NUTM1: variants seen among roughly 807,000 people sequenced by gnomAD.
The protein encoded by NUTM1 is NUT midline carcinoma family member 1, also known as NUT family member 1.
Under a neutral mutation model 88.7 loss-of-function variants are expected in NUTM1, and 39 were observed. The ratio of observed to expected loss-of-function variants is 0.44; its 90% CI spans 0.34 to 0.57. NUTM1 has a LOEUF of 0.57. NUTM1 is among the 20% of genes least tolerant of loss of function. The pLI is 0.01. For missense variants in NUTM1, 1,350 were observed against 1,414.5 expected (o/e 0.95, Z 0.73); for synonymous variants, 494 against 538.0 (o/e 0.92, Z 1.13).
At chr15:34,352,119 G>A (rs1167778541) in intron 4 of NUTM1, among the ~76,000 whole-genome samples, 2 of 152,162 alleles carry the variant, frequency 1.3e-5, no homozygotes, top group Admixed American at 6.5e-5. Flanking sequence ...GCGGTGAGCC[G>A]AGATTGTGCC....
Position 34,356,784 on chromosome 15 carries a change from A to G in NUTM1, c.2776A>G (p.Ile926Val), listed in dbSNP as rs999111754. 5.6e-6 allele frequency: 9 copies of G among 1,611,910 alleles called. No homozygotes were observed. The highest frequency in any genetic ancestry group is 7.6e-6 in the Non-Finnish European group (9 of 1,179,560). The change falls in exon 8 of 8, where the codon ATA (isoleucine) becomes GTA (valine). Residue 926 changes from isoleucine (I) to valine (V), a missense_variant. Ile to Val is a conservative substitution (Grantham distance 29, BLOSUM62 3). This residue lies in a region of NUTM1 where 730 missense variants were observed against 728.8 expected (regional missense o/e 1.00). Transcript: ENST00000537011. ...GNSFSPLLET[I>V]EPVNILDVKD... ...TTCCTTTTCTCCTCTGTTGGAAACCATAGAACCTGTCAACATACTAGATGT... is the reference window on the plus strand; with the variant it reads ...TTCCTTTTCTCCTCTGTTGGAAACCGTAGAACCTGTCAACATACTAGATGT...
chr15:34,353,642 A>G (rs1890747303), intron 4 of NUTM1, 94 bp from the exon 5 acceptor site: 1 of 1,490,652 alleles, frequency 6.7e-7, no homozygotes, highest in African/African-American at 1.4e-5. Context: ...ACCTGAGAGC[A>G]CTTCCTTTCT....
At position 34,356,734 on chromosome 15, in the gene NUTM1, G is replaced by T. The variant is rs57115249; in HGVS notation, c.2726G>T (p.Ser909Ile). Residue 909 changes from serine to isoleucine, a missense_variant, in exon 8 of 8, where the codon AGT becomes ATT. Transcript: ENST00000537011. ...TEDASSLPEA[S>I]QEAGSRGNSF... ...GATGCCTCCTCCTTGCCTGAAGCCA[G>T]TCAAGAGGCAGGGAGCAGAGGCAAT... 135,609 of 1,613,094 alleles carry T rather than the reference G, an allele frequency of 0.084. 8,035 individuals carry two copies. The highest frequency in any genetic ancestry group is 0.29 in the East Asian group (13,036 of 44,826).
At chr15:34,350,460 G>A (rs1277849913) in intron 3 of NUTM1, among the ~76,000 whole-genome samples, 1 of 152,168 alleles carries the variant, frequency 6.6e-6, no homozygotes, top group Non-Finnish European at 1.5e-5. Context: ...TTTAAAAGGT[G>A]GGGAGAAGAA....
chr15:34,344,626 A>C (rs1190667321), intron 1 of NUTM1, among the ~76,000 whole-genome samples: 1 of 152,148 alleles, frequency 6.6e-6, no homozygotes, highest in African/African-American at 2.4e-5. Flanking sequence ...ACTTAGTTGC[A>C]GGAGAAAGGG....
chr15:34,355,198 C>G lies in NUTM1; in HGVS notation c.1479+61C>G. ...GCTTGCAAGATTTTATCTAACCCTA[C>G]ACTGTCGTGGGTGATATGGCTCTAG... On this transcript the variant is annotated intron_variant, in intron 7 of 7. Coordinates refer to ENST00000537011, the MANE Select transcript of NUTM1 (RefSeq NM_001284292.2). This position sits in a 1 kb window ranked among gnomAD's most constrained non-coding sequence, Gnocchi z 4.3. 1 of 1,131,522 alleles carries G rather than the reference C, an allele frequency of 8.8e-7. No homozygotes were observed. The highest frequency in any genetic ancestry group is 1.3e-6 in the Non-Finnish European group (1 of 743,806). The allele number at this position is 1,131,522 out of a possible 1,614,324, so 70.1% of individuals were successfully genotyped here.
At position 34,348,088 on chromosome 15, in the gene NUTM1, C is replaced by T; in HGVS notation, c.220C>T (p.Pro74Ser). The T allele has an allele frequency of 3.1e-6, 5 of 1,614,172 alleles. No homozygotes were observed. The highest frequency in any genetic ancestry group is 4.2e-6 in the Non-Finnish European group (5 of 1,180,016). ...DPPDHPPREP[P>S]PQPIMPSVFS... ...ACCAGACCACCCACCCAGGGAGCCA[C>T]CTCCACAGCCCATCATGCCTTCAGT... The change falls in exon 3 of 8, where the codon CCT (proline) becomes TCT (serine). Residue 74 changes from proline (P) to serine (S), a missense_variant. Physicochemically the swap from Pro to Ser is moderately conservative, Grantham distance 74. Around this residue, in one of 5 missense-constraint regions of NUTM1, gnomAD observed 399 missense variants for 397.9 expected, o/e 1.00. Transcript: ENST00000537011.
Position 34,357,659 on chromosome 15 carries a change from G to C in NUTM1, c.*168G>C. 7.9e-7 allele frequency: 1 copy of C among 1,267,892 alleles called. No individual in the cohort carries two copies. Among genetic ancestry groups the C allele is most frequent in the Non-Finnish European group, 1.1e-6 (1 of 880,356 alleles). The allele number at this position is 1,267,892 out of a possible 1,614,324, so 78.5% of individuals were successfully genotyped here. On this transcript the variant is annotated 3_prime_UTR_variant, in exon 8 of 8. Coordinates refer to ENST00000537011, the MANE Select transcript of NUTM1 (RefSeq NM_001284292.2). ...AAGCATGGAGAGAGAGGTCAGACTG[G>C]CTAGGCTGCAGGGGGAATTACCTTT...
At chr15:34,354,988 C>A in intron 6 of NUTM1, 33 bp from the exon 7 acceptor site, 2 of 1,512,980 alleles carry the variant, frequency 1.3e-6, no homozygotes, top group Non-Finnish European at 1.8e-6. Flanking sequence ...TACCTGCTTA[C>A]AGACTTACAT....
chr15:34,354,411 C>T, intron 5 of NUTM1, 35 bp from the exon 6 acceptor site: 2 of 1,605,496 alleles, frequency 1.2e-6, no homozygotes, highest in East Asian at 2.2e-5. Flanking sequence ...GGTTTCTGTG[C>T]TACTTCCCAT....
Position 34,348,508 on chromosome 15 carries a change from A to AC in NUTM1, c.642dup (p.Gly215ArgfsTer16), listed in dbSNP as rs1264660688. 1.9e-6 allele frequency: 3 copies of AC among 1,614,156 alleles called. No individual in the cohort carries two copies. Among genetic ancestry groups the AC allele is most frequent in the Non-Finnish European group, 2.5e-6 (3 of 1,180,016 alleles). ...AGCTTGGCCAGGGCCACATGGGACAACCGGGGAAGGAGGTCCTGTGGCCAC... is the reference window on the plus strand; with the variant it reads ...AGCTTGGCCAGGGCCACATGGGACAACCCGGGGAAGGAGGTCCTGTGGCCAC... On this transcript the variant is annotated frameshift_variant, in exon 3 of 8. Transcript: ENST00000537011. LOFTEE classifies it high-confidence loss of function.
In NUTM1 at chr15:34,356,100, C is replaced by T; in HGVS notation, c.2092C>T (p.Leu698Phe). Residue 698 changes from leucine (L) to phenylalanine (F), a missense_variant, in exon 8 of 8, where the codon CTT becomes TTT. Physicochemically the swap from Leu to Phe is conservative, Grantham distance 22. Transcript: ENST00000537011. ...KGQQTGGRGV[L>F]PQGKEPLAVP... Reference sequence around the variant, plus strand: ...ACAACAAACAGGGGGTCGTGGAGTGCTTCCTCAAGGGAAGGAGCCTTTAGC... The same window carrying T: ...ACAACAAACAGGGGGTCGTGGAGTGTTTCCTCAAGGGAAGGAGCCTTTAGC... The T allele has an allele frequency of 6.2e-7, 1 of 1,613,552 alleles. No homozygotes were observed. Among genetic ancestry groups the T allele is most frequent in the African/African-American group, 1.3e-5 (1 of 75,034 alleles).
At chr15:34,354,863 G>A (rs1890773129) in intron 6 of NUTM1, 131 bp downstream of exon 6, 4 of 1,040,836 alleles carry the variant, frequency 3.8e-6, no homozygotes, top group Non-Finnish European at 5.9e-6. Context: ...GTGTGTGCAT[G>A]CATCATCATG....
Position 34,356,268 on chromosome 15 carries a change from A to C in NUTM1, c.2260A>C (p.Ser754Arg). 1 of 1,611,758 alleles carries C rather than the reference A, an allele frequency of 6.2e-7. No homozygotes were observed. The highest frequency in any genetic ancestry group is 8.5e-7 in the Non-Finnish European group (1 of 1,178,826). ...VCLSPGVWLS[S>R]EMDAVGLELP... Reference sequence around the variant, plus strand: ...TCTCAGCCCAGGAGTTTGGCTGAGCAGTGAGATGGATGCTGTAGGCTTGGA... The same window carrying C: ...TCTCAGCCCAGGAGTTTGGCTGAGCCGTGAGATGGATGCTGTAGGCTTGGA... Residue 754 changes from serine (S) to arginine (R), a missense_variant, in exon 8 of 8, where the codon AGT (serine) becomes CGT (arginine). Ser to Arg is a moderately radical substitution (Grantham distance 110). Transcript: ENST00000537011.
In NUTM1 at chr15:34,343,759, T is replaced by A. The variant is rs559359765; in HGVS notation, c.6+57T>A. 4.6e-5 allele frequency: 67 copies of A among 1,463,124 alleles called. 1 individual carries two copies. The Middle Eastern group carries it at 8.9e-4, about 19-fold the overall frequency. The allele number at this position is 1,463,124 out of a possible 1,614,324, so 90.6% of individuals were successfully genotyped here. A position where few individuals can be genotyped will look rare whatever the true frequency, so the allele number is the denominator to read the frequency against. On this transcript the variant is annotated intron_variant, in intron 1 of 7. Coordinates refer to ENST00000537011, the MANE Select transcript of NUTM1 (RefSeq NM_001284292.2). ...ACCTTCTAGGAGTTTTTACAATTTTTAAAAGAATATAGAAGTTCTCCTTAT... is the reference window on the plus strand; with the variant it reads ...ACCTTCTAGGAGTTTTTACAATTTTAAAAAGAATATAGAAGTTCTCCTTAT...
chr15:34,356,933 T>C lies in NUTM1; in HGVS notation c.2925T>C (p.Ala975=), dbSNP rs1359965762. 2 of 1,613,730 alleles carry C rather than the reference T, an allele frequency of 1.2e-6. No homozygotes were observed. The highest frequency in any genetic ancestry group is 1.7e-6 in the Non-Finnish European group (2 of 1,179,970). ...ATCTGTCCAAGCCTAAAAACCTTGCTCCTTTACAAGAGAGTCAGGAGTCTT... is the reference window on the plus strand; with the variant it reads ...ATCTGTCCAAGCCTAAAAACCTTGCCCCTTTACAAGAGAGTCAGGAGTCTT... The part of the protein sequence containing the change: ...DPDLSKPKNL[A]PLQESQESYT... The change falls in exon 8 of 8, where the codon GCT becomes GCC. Residue 975 remains alanine (A), a synonymous_variant. Coordinates refer to ENST00000537011, the MANE Select transcript of NUTM1 (RefSeq NM_001284292.2).
chr15:34,349,531 G>A lies in NUTM1; in HGVS notation c.809+854G>A, dbSNP rs114474581. Among the ~76,000 whole-genome samples the A allele has an allele frequency of 7.0e-3, 1,073 of 152,288 alleles. 22 individuals carry two copies. Among genetic ancestry groups the A allele is most frequent in the African/African-American group, 0.025 (1,032 of 41,558 alleles). ...TTTAGTCAAGGAGCCCAGGGTCCTA[G>A]GCTGTTTTGTTTACAAAACAGTCAT... On this transcript the variant is annotated intron_variant, in intron 3 of 7. Coordinates refer to ENST00000537011, the MANE Select transcript of NUTM1 (RefSeq NM_001284292.2).
chr15:34,345,554 G>A (rs1057313951), intron 1 of NUTM1, among the ~76,000 whole-genome samples: 2 of 152,180 alleles, frequency 1.3e-5, no homozygotes, highest in South Asian at 4.1e-4. Context: ...ATTGAATTAA[G>A]TCAGGGGTCT....
At chr15:34,348,976 G>A (rs1041288298) in intron 3 of NUTM1, among the ~76,000 whole-genome samples, 3 of 152,160 alleles carry the variant, frequency 2.0e-5, no homozygotes, top group Non-Finnish European at 4.4e-5. Context: ...AAGGACCAGT[G>A]ATTGGAACTT....
Sources: allele counts gnomAD v4.1 joint callset (sites outside exome capture counted in the v4.1 genomes callset), GRCh38; gene constraint gnomAD v4.1.1; regional missense constraint gnomAD v4.1.1; non-coding constraint Gnocchi (gnomAD v3.1); transcripts MANE v1.5; gene names NCBI Gene and HGNC (gene_info 2026-07-23, HGNC 2026-07-21).